KIAA1217: variants seen among roughly 807,000 people sequenced by gnomAD.
The protein encoded by KIAA1217 is sickle tail protein homolog.
Under a neutral mutation model 163.9 loss-of-function variants are expected in KIAA1217, and 88 were observed. The ratio of observed to expected loss-of-function variants is 0.54; its 90% CI spans 0.45 to 0.64. The LOEUF (loss-of-function observed/expected upper bound fraction) is 0.64. KIAA1217 is among the 30% of genes least tolerant of loss of function. KIAA1217 has a pLI of 0.00. For missense variants in KIAA1217, 2,372 were observed against 2,475.0 expected, an observed-to-expected ratio of 0.96 and a Z score of 0.88; for synonymous variants, 903 against 923.1, an observed-to-expected ratio of 0.98 and a Z score of 0.39.
At chr10:24,455,860 T>G (rs2132428837) in intron 5 of KIAA1217, among the ~76,000 whole-genome samples, 1 of 152,316 alleles carries the variant, frequency 6.6e-6, no homozygotes, top group South Asian at 2.1e-4. Flanking sequence ...GAATGATCAA[T>G]TAATTTGGGA....
intron 2 of KIAA1217, among the ~76,000 whole-genome samples, chr10:24,320,798 C>T (rs1474362132): frequency 6.6e-6 from 1 of 152,132 alleles, no homozygotes; most frequent in Non-Finnish European, 1.5e-5. Flanking sequence ...AATCCCAGCA[C>T]TTTGGGAGGC....
intron 1 of KIAA1217, among the ~76,000 whole-genome samples, chr10:23,739,120 T>C (rs1460851910): frequency 6.6e-6 from 1 of 152,082 alleles, no homozygotes; most frequent in Non-Finnish European, 1.5e-5. Flanking sequence ...GAACTGGAGG[T>C]CACCATTTTA....
At chr10:23,919,509 G>A (rs991936971) in intron 1 of KIAA1217, among the ~76,000 whole-genome samples, 7 of 151,232 alleles carry the variant, frequency 4.6e-5, no homozygotes, top group South Asian at 2.1e-4. Flanking sequence ...GGGAGGCTGC[G>A]GAAGGAGAAT....
intron 12 of KIAA1217, among the ~76,000 whole-genome samples, chr10:24,523,394 T>A (rs1282299994): frequency 1.3e-5 from 2 of 151,804 alleles, no homozygotes; most frequent in Non-Finnish European, 2.9e-5. Flanking sequence ...TCCTTGGGGA[T>A]CTCTAAGAAT....
rs1012125050 is a variant in KIAA1217 at position 23,726,979 on chromosome 10, CTTTTTTT to C, written c.-321+31765_-321+31771del. On this transcript the variant is annotated intron_variant, in intron 1 of 18. Transcript: ENST00000376462. ...ATTTCCATGCCATTTGTATAGGCCT[CTTTTTTT>C]TTTTTTTTTTTTTTTTTTTGAGACA... 2.8e-3 allele frequency among the ~76,000 whole-genome samples: 260 copies of C among 93,402 alleles called. 1 individual carries two copies. Among genetic ancestry groups the C allele is most frequent in the African/African-American group, 0.012 (247 of 20,672 alleles). 61.3% of individuals were successfully genotyped at this position (93,402 alleles called of 152,430 possible).
At chr10:24,336,504 G>C (rs566295266) in intron 2 of KIAA1217, among the ~76,000 whole-genome samples, 5 of 152,262 alleles carry the variant, frequency 3.3e-5, no homozygotes, top group African/African-American at 4.8e-5. Flanking sequence ...CAGTATGTTA[G>C]GTCTGAAGTG....
intron 1 of KIAA1217, among the ~76,000 whole-genome samples, chr10:23,948,079 T>C (rs1244477371): frequency 3.3e-5 from 5 of 152,164 alleles, no homozygotes; most frequent in Non-Finnish European, 5.9e-5. Flanking sequence ...TTTGTTTGCT[T>C]TCGTGAGGTT....
intron 2 of KIAA1217, among the ~76,000 whole-genome samples, chr10:24,311,750 G>A (rs1164233979): frequency 6.6e-6 from 1 of 152,020 alleles, no homozygotes; most frequent in Non-Finnish European, 1.5e-5. Flanking sequence ...CATCTGGGGG[G>A]ACAAAGGCTT....
Position 24,064,118 on chromosome 10 carries a change from T to C in KIAA1217, c.-171+56744T>C, listed in dbSNP as rs576697958. On this transcript the variant is annotated intron_variant, in intron 2 of 18. Coordinates refer to the KIAA1217 transcript ENST00000376462. Reference sequence around the variant, plus strand: ...AGAATTTGACTTCCTCTTTTCCTAATTGAATGCCCTTTATTCCCTTCTCCT... The same window carrying C: ...AGAATTTGACTTCCTCTTTTCCTAACTGAATGCCCTTTATTCCCTTCTCCT... Among the ~76,000 whole-genome samples the C allele has an allele frequency of 7.9e-5, 12 of 152,302 alleles. No homozygotes were observed. The South Asian group carries it at 2.1e-3, about 26-fold the overall frequency.
intron 1 of KIAA1217, among the ~76,000 whole-genome samples, chr10:23,851,217 T>C (rs1367670958): frequency 6.6e-6 from 1 of 152,070 alleles, no homozygotes; most frequent in Non-Finnish European, 1.5e-5. Context: ...CCTGTGTCCA[T>C]GTGTTCTCAT....
intron 7 of KIAA1217, 54 bp downstream of exon 7, chr10:24,494,658 T>C (rs143814551): frequency 9.2e-6 from 11 of 1,189,520 alleles, no homozygotes; most frequent in African/African-American, 3.1e-5. Context: ...TCTCTTTTAA[T>C]CATTAAGATA....
intron 15 of KIAA1217, among the ~76,000 whole-genome samples, chr10:24,532,472 GT>G (rs2073268252): frequency 6.6e-6 from 1 of 152,190 alleles, no homozygotes; most frequent in Non-Finnish European, 1.5e-5. Context: ...GACTGTATTA[GT>G]CTGTTCTCAG....
chr10:23,984,814 G>A lies in KIAA1217; in HGVS notation c.-320-22411G>A, dbSNP rs558621872. On this transcript the variant is annotated intron_variant, in intron 1 of 18. Transcript: ENST00000376462. ...ATTAGGACAAGTACCTAATGCATGCGGGGCTTAAAACCGAGATGATGGGTT... is the reference window on the plus strand; with the variant it reads ...ATTAGGACAAGTACCTAATGCATGCAGGGCTTAAAACCGAGATGATGGGTT... Among the ~76,000 whole-genome samples, 5 of 152,048 alleles carry A rather than the reference G, an allele frequency of 3.3e-5. No individual in the cohort carries two copies. In the South Asian group the frequency reaches 6.3e-4, roughly 19 times the overall value.
intron 17 of KIAA1217, among the ~76,000 whole-genome samples, chr10:24,539,845 C>G (rs1460359745): frequency 6.6e-6 from 1 of 152,184 alleles, no homozygotes; most frequent in Non-Finnish European, 1.5e-5. Context: ...ATCACTGAAA[C>G]TCCAGCCTAG....
At chr10:23,804,054 A>T (rs1572362) in intron 1 of KIAA1217, among the ~76,000 whole-genome samples, 28,753 of 152,194 alleles carry the variant, frequency 0.19, 2,854 homozygotes, top group Middle Eastern at 0.27. Flanking sequence ...GTAAATACAG[A>T]CAAAATATAG....
intron 2 of KIAA1217, among the ~76,000 whole-genome samples, chr10:24,067,619 G>A (rs943809028): frequency 1.5e-4 from 23 of 152,310 alleles, no homozygotes; most frequent in Admixed American, 1.0e-3. Flanking sequence ...CAGTCTGTCC[G>A]TTCTCAGATC....
intron 1 of KIAA1217, among the ~76,000 whole-genome samples, chr10:23,956,990 C>T (rs1303896521): frequency 6.6e-6 from 1 of 152,174 alleles, no homozygotes; most frequent in East Asian, 1.9e-4. Context: ...CCTTCACTTT[C>T]TTCCAGTTGC....
rs11013913 is a variant in KIAA1217 at position 24,137,544 on chromosome 10, C to T, written c.-170-82082C>T. ...CACTAATGTGGGCCAAGAATCAAAACGTTTGCCCAGACTTTGTTTTAAATT... is the reference window on the plus strand; with the variant it reads ...CACTAATGTGGGCCAAGAATCAAAATGTTTGCCCAGACTTTGTTTTAAATT... On this transcript the variant is annotated intron_variant, in intron 2 of 18. Coordinates refer to the KIAA1217 transcript ENST00000376462. Among the ~76,000 whole-genome samples the T allele has an allele frequency of 8.6e-3, 1,314 of 152,286 alleles. 21 individuals are homozygous for T. The highest frequency in any genetic ancestry group is 0.03 in the African/African-American group (1,233 of 41,560).
At chr10:23,757,992 T>C (rs7093779) in intron 1 of KIAA1217, among the ~76,000 whole-genome samples, 8,972 of 152,278 alleles carry the variant, frequency 0.059, 462 homozygotes, top group African/African-American at 0.13. Context: ...ATATTTTCTT[T>C]CATTCTGTGG....
Sources: gnomAD v4.1 joint callset for allele counts (sites outside exome capture counted in the v4.1 genomes callset) on GRCh38, gnomAD v4.1.1 for gene constraint, MANE v1.5 for transcripts, NCBI Gene and HGNC (gene_info 2026-07-23, HGNC 2026-07-21) for gene names.